EHBP1: variants seen among roughly 807,000 people sequenced by gnomAD.
EHBP1 encodes EH domain binding protein 1.
In EHBP1, 55 loss-of-function variants were observed where a neutral mutation model predicts 144.0. The ratio of observed to expected loss-of-function variants is 0.38; its 90% CI spans 0.31 to 0.48. The LOEUF is 0.48. Among genes scored for constraint, EHBP1 ranks in the 20% least tolerant of loss-of-function variants. The pLI is 0.98. For synonymous variants in EHBP1, 469 were observed against 472.7 expected (o/e 0.99, Z 0.10); for missense variants, 1,200 against 1,364.2 (o/e 0.88, Z 1.90).
chr2:63,034,237 TA>T (rs1299874291), intron 19 of EHBP1, among the ~76,000 whole-genome samples: 28 of 152,214 alleles, frequency 1.8e-4, no homozygotes, highest in African/African-American at 6.7e-4. Flanking sequence ...TGTTTTAAAA[TA>T]TAGTGTAACA....
chr2:62,804,213 A>G (rs2044269175), intron 5 of EHBP1, among the ~76,000 whole-genome samples: 1 of 152,192 alleles, frequency 6.6e-6, no homozygotes, highest in Non-Finnish European at 1.5e-5. Flanking sequence ...GATTTTCCTC[A>G]TGTGGAATCA....
chr2:62,688,861 G>T (rs1011886185), intron 1 of EHBP1, among the ~76,000 whole-genome samples: 2 of 152,098 alleles, frequency 1.3e-5, no homozygotes, highest in African/African-American at 4.8e-5. Flanking sequence ...ACTGGAAATT[G>T]TACATTAATC....
intron 5 of EHBP1, among the ~76,000 whole-genome samples, chr2:62,813,203 T>C (rs900502066): frequency 3.3e-5 from 5 of 152,186 alleles, no homozygotes; most frequent in African/African-American, 1.2e-4. Flanking sequence ...ACCCCAGCCA[T>C]GGCTGTGGTT....
At chr2:63,027,575 G>GC (rs1574531041) in intron 19 of EHBP1, among the ~76,000 whole-genome samples, 1 of 152,208 alleles carries the variant, frequency 6.6e-6, no homozygotes, top group East Asian at 1.9e-4. Flanking sequence ...GTCCTGCTTT[G>GC]CTTAGGCTTC....
intron 10 of EHBP1, among the ~76,000 whole-genome samples, chr2:62,879,858 A>C (rs1232068058): frequency 3.3e-5 from 5 of 152,164 alleles, no homozygotes; most frequent in African/African-American, 1.2e-4. Flanking sequence ...AAAAAAAACT[A>C]TTCCAAAATT....
At chr2:62,788,867 T>C (rs560778127) in intron 5 of EHBP1, among the ~76,000 whole-genome samples, 4 of 152,340 alleles carry the variant, frequency 2.6e-5, no homozygotes, top group Admixed American at 2.6e-4. Context: ...AGCACAAATC[T>C]ATGAAACGCC....
chr2:62,787,337 A>G (rs1235609717), intron 5 of EHBP1, among the ~76,000 whole-genome samples: 1 of 151,748 alleles, frequency 6.6e-6, no homozygotes, highest in Non-Finnish European at 1.5e-5. Flanking sequence ...AATACAAAAC[A>G]ACAATTAATA....
chr2:62,932,720 G>A lies in EHBP1; in HGVS notation c.1186-9998G>A, dbSNP rs957568721. 3.9e-5 allele frequency among the ~76,000 whole-genome samples: 6 copies of A among 152,078 alleles called. No homozygotes were observed. The South Asian group carries it at 6.2e-4, about 16-fold the overall frequency. ...TGTAATCTCAGCACTTTGGGAGGCC[G>A]AGGAGGGCGGATCACTTGAGATCAG... On this transcript the variant is annotated intron_variant, in intron 10 of 22. Coordinates refer to ENST00000431489, the MANE Select transcript of EHBP1 (RefSeq NM_001142616.3).
At chr2:62,743,878 C>G (rs2038930087) in intron 2 of EHBP1, among the ~76,000 whole-genome samples, 1 of 152,126 alleles carries the variant, frequency 6.6e-6, no homozygotes, top group Non-Finnish European at 1.5e-5. Flanking sequence ...TGTGCTCTTC[C>G]TCACTGCTGT....
intron 10 of EHBP1, among the ~76,000 whole-genome samples, chr2:62,909,536 A>G (rs1352149007): frequency 6.6e-6 from 1 of 152,184 alleles, no homozygotes; most frequent in Admixed American, 6.5e-5. Flanking sequence ...ACTTAAGACC[A>G]GAAAGTGAGC....
chr2:62,709,689 A>T (rs552880820), intron 2 of EHBP1, among the ~76,000 whole-genome samples: 1 of 152,020 alleles, frequency 6.6e-6, no homozygotes. Context: ...AGGTCTTATG[A>T]TAGGATCTGG....
chr2:62,737,955 A>T (rs1218362274), intron 2 of EHBP1, among the ~76,000 whole-genome samples: 3 of 151,936 alleles, frequency 2.0e-5, no homozygotes, highest in Non-Finnish European at 4.4e-5. Context: ...TGTAGAGACA[A>T]GGTCTCACTA....
rs560117020 is a variant in EHBP1, at chr2:62,753,912, T to G, written c.162+6460T>G. Among the ~76,000 whole-genome samples the G allele has an allele frequency of 1.1e-4, 16 of 152,290 alleles. No individual in the cohort carries two copies. In the South Asian group the frequency reaches 3.3e-3, roughly 32 times the overall value. ...CATTCGTCTAATCTTTCTTCAAAGT[T>G]TTTAGCTCCTTTGCGATGGGTTCGA... On this transcript the variant is annotated intron_variant, in intron 3 of 22. Coordinates refer to ENST00000431489, the MANE Select transcript of EHBP1 (RefSeq NM_001142616.3).
At chr2:62,987,562 G>T (rs2059248701) in intron 15 of EHBP1, among the ~76,000 whole-genome samples, 1 of 152,062 alleles carries the variant, frequency 6.6e-6, no homozygotes, top group African/African-American at 2.4e-5. Context: ...GTAAAATTTA[G>T]AAATATTTGA....
At chr2:62,927,068 T>C (rs1291839010) in intron 10 of EHBP1, among the ~76,000 whole-genome samples, 1 of 152,210 alleles carries the variant, frequency 6.6e-6, no homozygotes, top group Non-Finnish European at 1.5e-5. Flanking sequence ...GATGATATTA[T>C]GTTATCTGTA....
At chr2:62,891,155 C>T (rs1039074595) in intron 10 of EHBP1, among the ~76,000 whole-genome samples, 19 of 131,790 alleles carry the variant, frequency 1.4e-4, no homozygotes, top group Non-Finnish European at 2.6e-4. Flanking sequence ...CCAGCCTGGG[C>T]GACAAAAAAA....
At chr2:62,729,441 TATA>T (rs1222377681) in intron 2 of EHBP1, among the ~76,000 whole-genome samples, 16 of 115,310 alleles carry the variant, frequency 1.4e-4, no homozygotes, top group African/African-American at 3.1e-4. Flanking sequence ...TAATAATAAA[TATA>T]ATAATAAATA....
chr2:62,807,232 A>G (rs1313711821), intron 5 of EHBP1, among the ~76,000 whole-genome samples: 1 of 152,302 alleles, frequency 6.6e-6, no homozygotes, highest in Non-Finnish European at 1.5e-5. Context: ...ACACAAACTG[A>G]TATCTATTGG....
chr2:62,945,275 A>G (rs1243835074), intron 12 of EHBP1, among the ~76,000 whole-genome samples: 27 of 152,204 alleles, frequency 1.8e-4, no homozygotes, highest in Admixed American at 1.7e-3. Flanking sequence ...TTTCAGTATA[A>G]TTGATGTCTT....
Sources: allele counts gnomAD v4.1 joint callset (sites outside exome capture counted in the v4.1 genomes callset), GRCh38; gene constraint gnomAD v4.1.1; transcripts MANE v1.5; gene names NCBI Gene and HGNC (gene_info 2026-07-23, HGNC 2026-07-21).